Variants in SLC2A13 observed in about 807,000 individuals in gnomAD.
SLC2A13 encodes solute carrier family 2 member 13.
SLC2A13 carries 32 observed loss-of-function variants against 64.4 expected under a neutral mutation model. The ratio of observed to expected loss-of-function variants is 0.50; its 90% CI spans 0.37 to 0.67. The LOEUF (loss-of-function observed/expected upper bound fraction) is 0.67, where lower values mean the gene tolerates loss of function less well. SLC2A13 is among the 30% of genes least tolerant of loss of function. The pLI is 0.00. For missense variants in SLC2A13, 743 were observed against 829.2 expected, an observed-to-expected ratio of 0.90 and a Z score of 1.28; for synonymous variants, 338 against 327.1, an observed-to-expected ratio of 1.03 and a Z score of -0.36.
At chr12:40,036,006 C>T (rs1337896269) in intron 2 of SLC2A13, among the ~76,000 whole-genome samples, 1 of 152,196 alleles carries the variant, frequency 6.6e-6, no homozygotes, top group Non-Finnish European at 1.5e-5. Context: ...TAAATATACA[C>T]ATATCCTTTT....
At chr12:39,810,621 G>A (rs1308847610) in intron 7 of SLC2A13, among the ~76,000 whole-genome samples, 1 of 152,132 alleles carries the variant, frequency 6.6e-6, no homozygotes, top group East Asian at 1.9e-4. Flanking sequence ...TTTAAGAGAT[G>A]TTATGTATCA....
intron 1 of SLC2A13, chr12:40,068,315 G>A (rs949630096): frequency 1.4e-5 from 6 of 415,600 alleles, no homozygotes; most frequent in Non-Finnish European, 2.4e-5. Flanking sequence ...TAGCCAGTGT[G>A]CACAGTCTGT....
intron 3 of SLC2A13, among the ~76,000 whole-genome samples, chr12:39,969,768 T>C (rs1472426046): frequency 6.6e-6 from 1 of 152,230 alleles, no homozygotes; most frequent in Non-Finnish European, 1.5e-5. Flanking sequence ...ACTCTGATGG[T>C]AGTTTCTTTT....
chr12:39,900,635 C>T (rs890560874), intron 4 of SLC2A13, among the ~76,000 whole-genome samples: 29 of 152,082 alleles, frequency 1.9e-4, no homozygotes, highest in Admixed American at 8.5e-4. Context: ...TTACAAGGGA[C>T]GTGAAGGACC....
intron 7 of SLC2A13, among the ~76,000 whole-genome samples, chr12:39,786,078 T>G (rs967309617): frequency 1.3e-5 from 2 of 151,338 alleles, no homozygotes; most frequent in Non-Finnish European, 2.9e-5. Context: ...TGGGAAGGCA[T>G]GATTAGTTTT....
At chr12:39,976,922 T>C (rs920661386) in intron 3 of SLC2A13, among the ~76,000 whole-genome samples, 8 of 152,218 alleles carry the variant, frequency 5.3e-5, no homozygotes, top group Admixed American at 3.9e-4. Context: ...ATGTTGTCTT[T>C]CTTTAGCCCT....
chr12:39,819,090 T>A (rs531065419), intron 7 of SLC2A13, among the ~76,000 whole-genome samples: 7 of 152,258 alleles, frequency 4.6e-5, no homozygotes, highest in Admixed American at 3.3e-4. Flanking sequence ...AGCAAACAGG[T>A]TCCTATCTCT....
chr12:39,996,118 C>G (rs1376624571), intron 3 of SLC2A13, among the ~76,000 whole-genome samples: 2 of 152,156 alleles, frequency 1.3e-5, no homozygotes, highest in African/African-American at 4.8e-5. Context: ...GACAATGAAA[C>G]CCAGGTTGAA....
At position 39,805,363 on chromosome 12, in the gene SLC2A13, A is replaced by G. The variant is rs111942554; in HGVS notation, c.1445+24740T>C. Among the ~76,000 whole-genome samples, 902 of 152,216 alleles carry G rather than the reference A, an allele frequency of 5.9e-3. 8 individuals are homozygous for G. Among genetic ancestry groups the G allele is most frequent in the African/African-American group, 0.021 (855 of 41,532 alleles). On this transcript the variant is annotated intron_variant, in intron 7 of 9. Transcript: ENST00000280871. ...GGACACCAGTTAGGAGGCATCTGTA[A>G]TAATCCTGGGGTGGCTGGAGCAGGT...
At chr12:39,863,246 G>A (rs1943809571) in intron 6 of SLC2A13, among the ~76,000 whole-genome samples, 1 of 152,032 alleles carries the variant, frequency 6.6e-6, no homozygotes, top group African/African-American at 2.4e-5. Flanking sequence ...ACAGACTGAT[G>A]ATCATAAACT....
At chr12:39,787,270 T>C (rs1054197502) in intron 7 of SLC2A13, among the ~76,000 whole-genome samples, 9 of 152,212 alleles carry the variant, frequency 5.9e-5, no homozygotes, top group African/African-American at 2.2e-4. Flanking sequence ...ACCTGAGACA[T>C]GGTATTTTCA....
intron 3 of SLC2A13, among the ~76,000 whole-genome samples, chr12:39,975,575 T>C (rs543091266): frequency 2.8e-4 from 42 of 152,334 alleles, no homozygotes; most frequent in African/African-American, 9.9e-4. Flanking sequence ...CATTGCCAGC[T>C]TATCCTTGGC....
chr12:39,895,201 C>T (rs1183445743), intron 4 of SLC2A13, among the ~76,000 whole-genome samples: 1 of 151,924 alleles, frequency 6.6e-6, no homozygotes, highest in African/African-American at 2.4e-5. Context: ...GGGTCTGTTA[C>T]TCCTAAATGT....
intron 2 of SLC2A13, among the ~76,000 whole-genome samples, chr12:40,039,100 T>C (rs541412747): frequency 1.3e-5 from 2 of 152,356 alleles, no homozygotes; most frequent in South Asian, 4.1e-4. Context: ...TTGCTTCATG[T>C]ATTTTGAAGC....
Position 39,837,938 on chromosome 12 carries a change from C to T in SLC2A13, c.1320-7710G>A, listed in dbSNP as rs867811980. Among the ~76,000 whole-genome samples the T allele has an allele frequency of 3.1e-3, 468 of 151,082 alleles. 3 individuals are homozygous for T. Among genetic ancestry groups the T allele is most frequent in the Non-Finnish European group, 4.6e-3 (310 of 67,782 alleles). ...CATTGTGGAAGTCAGTGTGGCGATT[C>T]CTCAGGGATCTAGAACTAGAAATAC... On this transcript the variant is annotated intron_variant, in intron 6 of 9. Coordinates refer to ENST00000280871, the MANE Select transcript of SLC2A13 (RefSeq NM_052885.4).
Position 39,951,434 on chromosome 12 carries a change from T to C in SLC2A13, c.926-69A>G, listed in dbSNP as rs551308063. The C allele has an allele frequency of 4.9e-4, 623 of 1,263,618 alleles. 5 individuals are homozygous for C. Among genetic ancestry groups the C allele is most frequent in the South Asian group, 1.7e-3 (87 of 52,320 alleles). The allele number at this position is 1,263,618 out of a possible 1,614,324, so 78.3% of individuals were successfully genotyped here. The stretch of plus-strand genomic sequence containing the variant: ...TAGCTCTCATAGTAATTATTCCCAA[T>C]AGGACAAATTTTCCTAAATCTTCAT... On this transcript the variant is annotated intron_variant, in intron 3 of 9. Coordinates refer to ENST00000280871, the MANE Select transcript of SLC2A13 (RefSeq NM_052885.4).
chr12:40,036,459 G>A (rs376266217), intron 2 of SLC2A13, among the ~76,000 whole-genome samples: 2 of 152,046 alleles, frequency 1.3e-5, no homozygotes, highest in African/African-American at 2.4e-5. Context: ...AAGTTCTGTC[G>A]TACCCCTTTT....
rs1942319506 is a variant in SLC2A13, at chr12:39,815,678, CT to C, written c.1445+14424del. ...ATAGAAAAAGCACTGGAAAGCAGTT[CT>C]ACTAAAGGGCATGTAGGGAAAAATA... On this transcript the variant is annotated intron_variant, in intron 7 of 9. Coordinates refer to ENST00000280871, the MANE Select transcript of SLC2A13 (RefSeq NM_052885.4). 7.9e-5 allele frequency among the ~76,000 whole-genome samples: 12 copies of C among 152,238 alleles called. No homozygotes were observed. In the South Asian group the frequency reaches 2.3e-3, roughly 29 times the overall value.
At chr12:39,828,196 T>C (rs534776205) in intron 7 of SLC2A13, among the ~76,000 whole-genome samples, 1 of 152,296 alleles carries the variant, frequency 6.6e-6, no homozygotes, top group East Asian at 1.9e-4. Flanking sequence ...AGGTAACCAA[T>C]AGCAGTGGTC....
Sources: gnomAD v4.1 joint callset for allele counts (sites outside exome capture counted in the v4.1 genomes callset) on GRCh38, gnomAD v4.1.1 for gene constraint, MANE v1.5 for transcripts, NCBI Gene and HGNC (gene_info 2026-07-23, HGNC 2026-07-21) for gene names.